Variants in TGFBI observed in about 807,000 individuals in gnomAD.
TGFBI encodes the protein transforming growth factor beta induced.
TGFBI carries 50 observed loss-of-function variants against 73.7 expected under a neutral mutation model. That is an observed-to-expected ratio of 0.68 (90% confidence interval 0.54 to 0.86). The LOEUF is 0.86. TGFBI is among the 40% of genes least tolerant of loss of function. The pLI, the probability that TGFBI is intolerant of heterozygous loss-of-function variation, is 0.00. For synonymous variants in TGFBI, 362 were observed against 360.5 expected (o/e 1.00, Z -0.05); for missense variants, 839 against 877.0 (o/e 0.96, Z 0.55).
At chr5:136,035,116 A>G (rs1751190543) in intron 2 of TGFBI, among the ~76,000 whole-genome samples, 1 of 152,208 alleles carries the variant, frequency 6.6e-6, no homozygotes, top group Non-Finnish European at 1.5e-5. Flanking sequence ...AGATACCAGC[A>G]GTCCCTGGGA....
At chr5:136,040,846 G>A (rs1751319854) in intron 2 of TGFBI, among the ~76,000 whole-genome samples, 1 of 152,162 alleles carries the variant, frequency 6.6e-6, no homozygotes, top group Non-Finnish European at 1.5e-5. Flanking sequence ...TGGAGGAATG[G>A]CATCAGACCC....
At position 136,055,667 on chromosome 5, in the gene TGFBI, C is replaced by T; in HGVS notation, c.1411-13C>T. ...TAACCAGTCCTTTCTTTCTCTGTCC[C>T]TCTTCTGTGCAGAGCCTCTGCATTG... On this transcript the variant is annotated splice_polypyrimidine_tract_variant and intron_variant, in intron 10 of 16. Transcript: ENST00000442011. 6.3e-7 allele frequency: 1 copy of T among 1,576,290 alleles called. No individual in the cohort carries two copies. The highest frequency in any genetic ancestry group is 8.7e-7 in the Non-Finnish European group (1 of 1,153,198).
At position 136,046,406 on chromosome 5, in the gene TGFBI, C is replaced by G; in HGVS notation, c.370C>G (p.Arg124Gly). ...CACCACCACTCAGCTGTACACGGAC[C>G]GCACGGAGAAGCTGAGGCCTGAGAT... ...GSTTTQLYTDRTEKLRPEMEG... is the reference protein window; with the variant it reads ...GSTTTQLYTDGTEKLRPEMEG... The change falls in exon 4 of 17, where the codon CGC (arginine) becomes GGC (glycine). Residue 124 changes from arginine (R) to glycine (G), a missense_variant. Physicochemically the swap from Arg to Gly is moderately radical, Grantham distance 125. Coordinates refer to ENST00000442011, the MANE Select transcript of TGFBI (RefSeq NM_000358.3). The G allele has an allele frequency of 6.2e-7, 1 of 1,613,912 alleles. No individual in the cohort carries two copies. The highest frequency in any genetic ancestry group is 8.5e-7 in the Non-Finnish European group (1 of 1,179,852).
chr5:136,055,802 A>G lies in TGFBI; in HGVS notation c.1533A>G (p.Gly511=). 2 of 1,608,234 alleles carry G rather than the reference A, an allele frequency of 1.2e-6. No individual in the cohort carries two copies. The highest frequency in any genetic ancestry group is 1.7e-6 in the Non-Finnish European group (2 of 1,175,718). The change falls in exon 11 of 17, where the codon GGA becomes GGG. Residue 511 remains glycine (G), a synonymous_variant. Transcript: ENST00000442011. ...GGACTGTCATGGATGTCCTGAAGGG[A>G]GACAATCGCTTTAGGTAATTAGTTC... is the stretch of plus-strand genomic sequence containing the variant. ...PMGTVMDVLK[G]DNRFSMLVAA...
chr5:136,055,931 G>A (rs1751623002), intron 11 of TGFBI, 115 bp downstream of exon 11: 3 of 1,144,050 alleles, frequency 2.6e-6, no homozygotes, highest in Non-Finnish European at 3.6e-6. Flanking sequence ...ATTAACACTA[G>A]CAGTGCACTG....
intron 13 of TGFBI, 132 bp downstream of exon 13, chr5:136,059,346 C>A: frequency 1.5e-6 from 2 of 1,330,942 alleles, no homozygotes; most frequent in Non-Finnish European, 2.0e-6. Context: ...TGTAATTCGT[C>A]CAAAGAAAAA....
chr5:136,063,627 C>G lies in TGFBI; in HGVS notation c.*401C>G, dbSNP rs1751787714. 5.1e-6 allele frequency: 1 copy of G among 196,860 alleles called. No homozygotes were observed. Among genetic ancestry groups the G allele is most frequent in the Non-Finnish European group, 1.0e-5 (1 of 96,092 alleles). The allele number at this position is 196,860 out of a possible 1,614,324, so 12.2% of individuals were successfully genotyped here. On this transcript the variant is annotated 3_prime_UTR_variant, in exon 17 of 17. Coordinates refer to ENST00000442011, the MANE Select transcript of TGFBI (RefSeq NM_000358.3). ...TGGCACAGTTTTTGTAAAGCCCTTGCACAGCTGGAGAAATGGCATCATTAT... is the reference window on the plus strand; with the variant it reads ...TGGCACAGTTTTTGTAAAGCCCTTGGACAGCTGGAGAAATGGCATCATTAT...
chr5:136,051,353 C>G (rs982881920), intron 7 of TGFBI, among the ~76,000 whole-genome samples: 3 of 152,062 alleles, frequency 2.0e-5, no homozygotes, highest in Non-Finnish European at 2.9e-5. Context: ...TCACTTGAAC[C>G]TGGGAGGCAG....
Position 136,055,754 on chromosome 5 carries a change from C to A in TGFBI, c.1485C>A (p.Asp495Glu), listed in dbSNP as rs761112429. 9.9e-6 allele frequency: 16 copies of A among 1,612,858 alleles called. No individual in the cohort carries two copies. The highest frequency in any genetic ancestry group is 1.3e-5 in the Non-Finnish European group (15 of 1,179,166). The change falls in exon 11 of 17, where the codon GAC becomes GAA. Residue 495 changes from aspartate (D) to glutamate (E), a missense_variant. By Grantham distance (45) the Asp-to-Glu change is conservative. Coordinates refer to ENST00000442011, the MANE Select transcript of TGFBI (RefSeq NM_000358.3). ...GGTACGGGACCCTGTTCACGATGGA[C>A]CGGGTGCTGACCCCCCCAATGGGGA... ...RGRYGTLFTM[D>E]RVLTPPMGTV...
chr5:136,034,694 G>T (rs1210279548), intron 2 of TGFBI, among the ~76,000 whole-genome samples: 1 of 152,082 alleles, frequency 6.6e-6, no homozygotes, highest in African/African-American at 2.4e-5. Flanking sequence ...CTCCCTGGTG[G>T]AATCAGGTGC....
At chr5:136,039,277 G>A (rs1385627327) in intron 2 of TGFBI, among the ~76,000 whole-genome samples, 1 of 152,192 alleles carries the variant, frequency 6.6e-6, no homozygotes, top group Non-Finnish European at 1.5e-5. Context: ...TACAGATGAG[G>A]AGACAGGCTC....
intron 3 of TGFBI, among the ~76,000 whole-genome samples, chr5:136,045,539 C>G (rs954669340): frequency 6.6e-6 from 1 of 151,870 alleles, no homozygotes; most frequent in Non-Finnish European, 1.5e-5. Context: ...GAGCAAAACT[C>G]CATCTCAAAA....
At chr5:136,033,903 G>A (rs45452692) in intron 2 of TGFBI, 42 bp downstream of exon 2, 22,245 of 1,522,834 alleles carry the variant, frequency 0.015, 210 homozygotes, top group Non-Finnish European at 0.016. Flanking sequence ...CTGTATGCAC[G>A]CTGGCTGCAG....
chr5:136,061,988 G>A (rs1751756928), intron 15 of TGFBI, among the ~76,000 whole-genome samples: 1 of 152,176 alleles, frequency 6.6e-6, no homozygotes, highest in Admixed American at 6.5e-5. Context: ...TCCTGGGTGA[G>A]GCTGGGGCTC....
At chr5:136,056,874 C>T in intron 12 of TGFBI, 79 bp downstream of exon 12, 1 of 1,488,482 alleles carries the variant, frequency 6.7e-7, no homozygotes, top group Non-Finnish European at 9.1e-7. Flanking sequence ...ACAGTTGGCA[C>T]ATCAAGGATT....
chr5:136,029,604 G>A (rs1373095676), intron 1 of TGFBI, among the ~76,000 whole-genome samples: 1 of 152,204 alleles, frequency 6.6e-6, no homozygotes, highest in Non-Finnish European at 1.5e-5. Context: ...CCAGGCCCCC[G>A]GCCAGCGACT....
chr5:136,037,316 A>C, intron 2 of TGFBI, among the ~76,000 whole-genome samples: 1 of 152,200 alleles, frequency 6.6e-6, no homozygotes, highest in Non-Finnish European at 1.5e-5. Flanking sequence ...TCAAACAAAG[A>C]GGGCTGTGGG....
At chr5:136,052,609 C>T (rs1282772138) in intron 7 of TGFBI, among the ~76,000 whole-genome samples, 1 of 152,232 alleles carries the variant, frequency 6.6e-6, no homozygotes, top group Non-Finnish European at 1.5e-5. Context: ...ATCCCCACAG[C>T]AGCCCTAGGA....
intron 14 of TGFBI, 53 bp downstream of exon 14, chr5:136,060,989 A>C (rs1751737508): frequency 8.3e-6 from 11 of 1,324,514 alleles, no homozygotes; most frequent in Non-Finnish European, 1.1e-5. Context: ...TTCATGTGGC[A>C]GTTGGTGGAG....
Sources: gnomAD v4.1 joint callset for allele counts (sites outside exome capture counted in the v4.1 genomes callset) on GRCh38, gnomAD v4.1.1 for gene constraint, MANE v1.5 for transcripts, NCBI Gene and HGNC (gene_info 2026-07-23, HGNC 2026-07-21) for gene names.